Variants in PLCB4 observed in about 807,000 individuals in gnomAD.
PLCB4 encodes 1-phosphatidylinositol 4,5-bisphosphate phosphodiesterase beta-4.
A neutral mutation model predicts 178.8 loss-of-function variants in PLCB4; 77 were observed. That is an observed-to-expected ratio of 0.43 (90% CI 0.36 to 0.52). PLCB4 has a LOEUF of 0.52. Among genes scored for constraint, PLCB4 ranks in the 20% least tolerant of loss-of-function variants. The probability of loss-of-function intolerance (pLI) is 0.00; values close to 1 mark genes in which losing one functional copy is unlikely to be tolerated. For synonymous variants in PLCB4, 496 were observed against 490.8 expected (o/e 1.01, Z -0.14); for missense variants, 1,024 against 1,453.4 (o/e 0.70, Z 4.80).
At chr20:9,249,554 G>A (rs1271759035) in intron 3 of PLCB4, among the ~76,000 whole-genome samples, 5 of 152,092 alleles carry the variant, frequency 3.3e-5, no homozygotes, top group Non-Finnish European at 5.9e-5. Context: ...GGCTTCAAGC[G>A]TCAGTCTCCC....
intron 3 of PLCB4, among the ~76,000 whole-genome samples, chr20:9,307,189 C>T (rs1190634883): frequency 6.6e-6 from 1 of 152,092 alleles, no homozygotes; most frequent in Non-Finnish European, 1.5e-5. Flanking sequence ...CTCCAGGGAC[C>T]CCCTATGAGC....
At chr20:9,458,945 C>T (rs1278692282) in intron 34 of PLCB4, among the ~76,000 whole-genome samples, 3 of 152,192 alleles carry the variant, frequency 2.0e-5, no homozygotes, top group Non-Finnish European at 2.9e-5. Context: ...AAAGAACACA[C>T]AGCTCTCTAT....
At chr20:9,080,438 T>A (rs1490186868) in intron 1 of PLCB4, among the ~76,000 whole-genome samples, 1 of 152,170 alleles carries the variant, frequency 6.6e-6, no homozygotes, top group South Asian at 2.1e-4. Flanking sequence ...GTTCTCAGAG[T>A]TGGTCACTCT....
intron 35 of PLCB4, among the ~76,000 whole-genome samples, chr20:9,462,611 G>T (rs770205142): frequency 6.6e-6 from 1 of 152,156 alleles, no homozygotes; most frequent in Non-Finnish European, 1.5e-5. Context: ...CGAGAGCTTC[G>T]TGACACATGC....
chr20:9,327,545 G>A, intron 4 of PLCB4, among the ~76,000 whole-genome samples: 1 of 152,022 alleles, frequency 6.6e-6, no homozygotes, highest in East Asian at 1.9e-4. Context: ...GGGTGGCCGA[G>A]GTGGGTGGAT....
chr20:9,360,468 T>G (rs2148221494), intron 7 of PLCB4, among the ~76,000 whole-genome samples: 1 of 152,254 alleles, frequency 6.6e-6, no homozygotes, highest in African/African-American at 2.4e-5. Flanking sequence ...GTCTCAGAAA[T>G]TGTCCACTTT....
Position 9,358,266 on chromosome 20 carries a change from C to T in PLCB4, c.370-4630C>T, listed in dbSNP as rs181789270. Among the ~76,000 whole-genome samples, 24 of 152,338 alleles carry T rather than the reference C, an allele frequency of 1.6e-4. No homozygotes were observed. The East Asian group carries it at 4.2e-3, about 27-fold the overall frequency. ...TGGTCCCCAGACTACATTTTAATAA[C>T]AAGCCTCTAGTTAACTTTTGAACAA... On this transcript the variant is annotated intron_variant, in intron 7 of 39. Transcript: ENST00000378473.
chr20:9,154,905 C>CTCCTTCCTTCCT (rs771256316), intron 2 of PLCB4, among the ~76,000 whole-genome samples: 3,084 of 62,322 alleles, frequency 0.049, 139 homozygotes, highest in East Asian at 0.092. Flanking sequence ...CCCTCCTTCC[C>CTCCTTCCTTCCT]TCCTTCCTTC....
chr20:9,069,350 T>TGCCAGGC (rs2089447055), intron 1 of PLCB4, 144 bp downstream of exon 1: 1 of 151,826 alleles, frequency 6.6e-6, no homozygotes, highest in Non-Finnish European at 1.5e-5. Context: ...AGGTGCCGGG[T>TGCCAGGC]GCCAGGCGCC....
At chr20:9,437,215 T>C in intron 30 of PLCB4, 63 bp downstream of exon 30, 1 of 1,394,606 alleles carries the variant, frequency 7.2e-7, no homozygotes, top group South Asian at 1.3e-5. Context: ...GTGTACAATA[T>C]CTATAGCTTT....
rs182233176 is a variant in PLCB4 at position 9,280,149 on chromosome 20, T to C, written c.-15-27651T>C. Among the ~76,000 whole-genome samples the C allele has an allele frequency of 2.6e-5, 4 of 152,138 alleles. No homozygotes were observed. The East Asian group carries it at 5.8e-4, about 22-fold the overall frequency. ...AAGACTGTTGCATAAAAAGCTGCCT[T>C]CTGACTAGAAGAGGGGCTGTGGGGT... On this transcript the variant is annotated intron_variant, in intron 3 of 39. Transcript: ENST00000378473.
chr20:9,387,474 T>C lies in PLCB4; in HGVS notation c.1076T>C (p.Leu359Pro). 1 of 1,580,654 alleles carries C rather than the reference T, an allele frequency of 6.3e-7. No homozygotes were observed. The highest frequency in any genetic ancestry group is 8.7e-7 in the Non-Finnish European group (1 of 1,152,322). ...VLLAGCRCVE[L>P]DCWDGKGEDQ... ...CACTATATCCCTAGATGTGTTGAAC[T>C]TGACTGCTGGGATGGAAAAGGTGAA... is the stretch of plus-strand genomic sequence containing the variant. The change falls in exon 15 of 40, where the codon CTT (leucine) becomes CCT (proline). Residue 359 changes from leucine (L) to proline (P), a missense_variant. Leu to Pro is a moderately conservative substitution (Grantham distance 98, BLOSUM62 -3). Around this residue, in one of 7 missense-constraint regions of PLCB4, gnomAD observed 263 missense variants for 417.4 expected, o/e 0.63. Coordinates refer to ENST00000378473, the MANE Select transcript of PLCB4 (RefSeq NM_001377142.1).
chr20:9,194,800 G>A (rs538056117), intron 2 of PLCB4, among the ~76,000 whole-genome samples: 1 of 150,762 alleles, frequency 6.6e-6, no homozygotes, highest in Admixed American at 6.6e-5. Flanking sequence ...AATAATATTT[G>A]CGGTGATTAT....
intron 3 of PLCB4, among the ~76,000 whole-genome samples, chr20:9,284,264 C>T (rs1226441844): frequency 6.6e-6 from 1 of 151,888 alleles, no homozygotes; most frequent in Non-Finnish European, 1.5e-5. Context: ...GGCAGTGAGC[C>T]ATGCCGATAT....
intron 2 of PLCB4, among the ~76,000 whole-genome samples, chr20:9,159,468 T>A (rs2092846746): frequency 6.6e-6 from 1 of 152,210 alleles, no homozygotes; most frequent in Non-Finnish European, 1.5e-5. Flanking sequence ...AGATTTAGCA[T>A]GTTTTTGTGT....
chr20:9,437,376 A>G (rs149951514), intron 30 of PLCB4, among the ~76,000 whole-genome samples: 396 of 152,328 alleles, frequency 2.6e-3, no homozygotes, highest in African/African-American at 9.3e-3. Flanking sequence ...TTCCTATTGG[A>G]CATTTCTAAA....
At chr20:9,102,743 G>C (rs73089469) in intron 2 of PLCB4, among the ~76,000 whole-genome samples, 3 of 151,626 alleles carry the variant, frequency 2.0e-5, no homozygotes, top group Non-Finnish European at 4.4e-5. Flanking sequence ...GCATATTTGG[G>C]GGGGGGCTAT....
At chr20:9,164,271 G>T (rs529135802) in intron 2 of PLCB4, among the ~76,000 whole-genome samples, 1 of 151,962 alleles carries the variant, frequency 6.6e-6, no homozygotes, top group Non-Finnish European at 1.5e-5. Flanking sequence ...TTCTCAAGAT[G>T]TTATAGTGTT....
At chr20:9,445,740 A>G (rs1460371200) in intron 32 of PLCB4, among the ~76,000 whole-genome samples, 1 of 152,240 alleles carries the variant, frequency 6.6e-6, no homozygotes, top group African/African-American at 2.4e-5. Context: ...AGAACAATTT[A>G]AAGTAGGGGC....
Sources: gnomAD v4.1 joint callset for allele counts (sites outside exome capture counted in the v4.1 genomes callset) on GRCh38, gnomAD v4.1.1 for gene constraint, gnomAD v4.1.1 regional missense constraint, MANE v1.5 for transcripts, NCBI Gene and HGNC (gene_info 2026-07-23, HGNC 2026-07-21) for gene names.